The following U2AF2 variants were observed in gnomAD, a reference collection of about 807,000 sequenced individuals.
The protein encoded by U2AF2 is U2 small nuclear RNA auxiliary factor 2.
Under a neutral mutation model 52.6 loss-of-function variants are expected in U2AF2, and 6 were observed. That is an observed-to-expected ratio of 0.11 (90% confidence interval 0.06 to 0.23). U2AF2 has a LOEUF of 0.23. U2AF2 is among the 10% of genes least tolerant of loss of function. U2AF2 has a pLI of 1.00. For missense variants in U2AF2, 222 were observed against 677.1 expected (o/e 0.33, Z 7.46); for synonymous variants, 284 against 258.2 (o/e 1.10, Z -0.96).
Position 55,668,988 on chromosome 19 carries a change from C to G in U2AF2, c.946-95C>G. On this transcript the variant is annotated intron_variant, in intron 9 of 11. Transcript: ENST00000308924. This position sits in a 1 kb window ranked among gnomAD's most constrained non-coding sequence, Gnocchi z 5.5. ...AATCCCCTTTGCCTTCCCCTCTTCC[C>G]CCACCAATGCCCCGGCTTGGGGGTA... 1.3e-6 allele frequency: 2 copies of G among 1,505,210 alleles called. No individual in the cohort carries two copies. Among genetic ancestry groups the G allele is most frequent in the East Asian group, 2.4e-5 (1 of 42,416 alleles). 93.2% of individuals were successfully genotyped at this position (1,505,210 alleles called of 1,614,324 possible).
At chr19:55,665,671 C>T (rs1600079131) in intron 7 of U2AF2, among the ~76,000 whole-genome samples, 6 of 152,246 alleles carry the variant, frequency 3.9e-5, no homozygotes, top group Middle Eastern at 3.4e-3. Context: ...TTTTTTGAGA[C>T]GGAGTCTTGC....
At chr19:55,659,114 C>G in intron 1 of U2AF2, 96 bp from the exon 2 acceptor site, 1 of 1,384,882 alleles carries the variant, frequency 7.2e-7, no homozygotes, top group East Asian at 2.8e-5. Context: ...GGGGTGGCCT[C>G]CCTGGGGCTT....
chr19:55,655,459 G>T lies in U2AF2; in HGVS notation c.49+306G>T, dbSNP rs540404189. Reference sequence around the variant, plus strand: ...ACGAGCGCGCCAGATGCCTCGACGTGAACTTTTGTTTTTTAAAATCTTTTT... The same window carrying T: ...ACGAGCGCGCCAGATGCCTCGACGTTAACTTTTGTTTTTTAAAATCTTTTT... On this transcript the variant is annotated intron_variant, in intron 1 of 11. Coordinates refer to ENST00000308924, the MANE Select transcript of U2AF2 (RefSeq NM_007279.3). Among the ~76,000 whole-genome samples the T allele has an allele frequency of 2.6e-5, 4 of 152,384 alleles. No individual in the cohort carries two copies. The South Asian group carries it at 6.2e-4, about 24-fold the overall frequency.
At chr19:55,663,536 A>G in intron 6 of U2AF2, 70 bp from the exon 7 acceptor site, 2 of 1,547,726 alleles carry the variant, frequency 1.3e-6, no homozygotes, top group South Asian at 1.2e-5. Flanking sequence ...GGAAATCCCA[A>G]TCCTGGAACA....
At chr19:55,673,884 G>A (rs664684) in intron 11 of U2AF2, 50 bp from the exon 12 acceptor site, 1,201,062 of 1,566,966 alleles carry the variant, frequency 0.77, 470,314 homozygotes, top group Middle Eastern at 0.83. Flanking sequence ...ACGCTGACTG[G>A]CTGTTGGGCG....
intron 2 of U2AF2, among the ~76,000 whole-genome samples, chr19:55,659,647 C>T (rs1419328589): frequency 6.6e-6 from 1 of 151,620 alleles, no homozygotes; most frequent in Non-Finnish European, 1.5e-5. Context: ...AGGGGTTGTT[C>T]TCTGTCTCTG....
At chr19:55,662,685 T>C (rs1368197515) in intron 6 of U2AF2, 67 bp downstream of exon 6, 1 of 1,420,644 alleles carries the variant, frequency 7.0e-7, no homozygotes, top group Non-Finnish European at 9.9e-7. Context: ...CTTAGGCTGA[T>C]GTTGTGTGGA....
intron 1 of U2AF2, among the ~76,000 whole-genome samples, chr19:55,658,487 G>A (rs1009216718): frequency 2.0e-5 from 3 of 152,148 alleles, no homozygotes; most frequent in Non-Finnish European, 2.9e-5. Flanking sequence ...CCCTACTCAC[G>A]CCTTTACAGT....
At chr19:55,662,143 C>T in intron 5 of U2AF2, 1 of 192,248 alleles carries the variant, frequency 5.2e-6, no homozygotes. Context: ...CTCTTCATCT[C>T]TTGTGTTTCG....
At chr19:55,662,754 A>AG in intron 6 of U2AF2, 136 bp downstream of exon 6, 1 of 737,760 alleles carries the variant, frequency 1.4e-6, no homozygotes, top group Admixed American at 2.3e-5. Flanking sequence ...CGGTCGCTGA[A>AG]GTGAGCCCTG....
chr19:55,660,711 G>T, intron 4 of U2AF2, 92 bp downstream of exon 4: 3 of 1,262,936 alleles, frequency 2.4e-6, no homozygotes, highest in Admixed American at 4.3e-5. Context: ...CTTGGAGGGG[G>T]TCAAAGACAC....
At chr19:55,669,809 T>C in intron 11 of U2AF2, 117 bp downstream of exon 11, 3 of 1,393,690 alleles carry the variant, frequency 2.2e-6, no homozygotes, top group Non-Finnish European at 2.8e-6. Context: ...GCGCGCTCTT[T>C]CTTCCTCTCT....
Position 55,668,820 on chromosome 19 carries a change from G to A in U2AF2, c.945+28G>A, listed in dbSNP as rs577927722. On this transcript the variant is annotated intron_variant, in intron 9 of 11. Transcript: ENST00000308924. This position sits in a 1 kb window ranked among gnomAD's most constrained non-coding sequence, Gnocchi z 5.5. ...GAGTCCCCGGTCGCTGGCCGCTGCC[G>A]CGTCTGTCCTTCCCTGCCCTGCGCT... 1.3e-5 allele frequency: 21 copies of A among 1,599,408 alleles called. No individual in the cohort carries two copies. The highest frequency in any genetic ancestry group is 2.7e-5 in the African/African-American group (2 of 74,820).
At chr19:55,667,536 T>C (rs1984620071) in intron 7 of U2AF2, among the ~76,000 whole-genome samples, 1 of 152,070 alleles carries the variant, frequency 6.6e-6, no homozygotes. Flanking sequence ...TAGGGCAGGA[T>C]CGAGGGCCAG....
rs144739449 is a variant in U2AF2 at position 55,660,756 on chromosome 19, C to T, written c.334+137C>T. The T allele has an allele frequency of 2.3e-3, 2,133 of 934,114 alleles. 28 individuals carry two copies. In the African/African-American group the frequency reaches 0.032, roughly 14 times the overall value. 57.9% of individuals were successfully genotyped at this position (934,114 alleles called of 1,614,324 possible). A position where few individuals can be genotyped will look rare whatever the true frequency, so the allele number is the denominator to read the frequency against. On this transcript the variant is annotated intron_variant, in intron 4 of 11. Coordinates refer to ENST00000308924, the MANE Select transcript of U2AF2 (RefSeq NM_007279.3). ...GTTGCACACCCCTGGGGGTTCTGGT[C>T]TCTGCGCTTTTGAAGCCTCCCTAGA...
At chr19:55,655,467 G>A (rs1207529598) in intron 1 of U2AF2, among the ~76,000 whole-genome samples, 1 of 152,260 alleles carries the variant, frequency 6.6e-6, no homozygotes, top group East Asian at 1.9e-4. Context: ...GTGAACTTTT[G>A]TTTTTTAAAA....
At chr19:55,656,219 A>G (rs1327467420) in intron 1 of U2AF2, among the ~76,000 whole-genome samples, 1 of 152,230 alleles carries the variant, frequency 6.6e-6, no homozygotes, top group Non-Finnish European at 1.5e-5. Flanking sequence ...ACCAGGGAAG[A>G]TTGGAGACTT....
intron 4 of U2AF2, 113 bp from the exon 5 acceptor site, chr19:55,660,925 C>T (rs1296303902): frequency 1.4e-6 from 2 of 1,474,670 alleles, no homozygotes; most frequent in Non-Finnish European, 1.8e-6. Flanking sequence ...GGTGCTAAGA[C>T]CGAGAGCCTG....
intron 5 of U2AF2, 115 bp from the exon 6 acceptor site, chr19:55,662,387 C>T (rs1984270632): frequency 5.6e-6 from 1 of 179,196 alleles, no homozygotes; most frequent in Non-Finnish European, 1.2e-5. Flanking sequence ...TCCTCCCTCC[C>T]CTCATCCCTC....
Sources: allele counts gnomAD v4.1 joint callset (sites outside exome capture counted in the v4.1 genomes callset), GRCh38; gene constraint gnomAD v4.1.1; non-coding constraint Gnocchi (gnomAD v3.1); transcripts MANE v1.5; gene names NCBI Gene and HGNC (gene_info 2026-07-23, HGNC 2026-07-21).